CLCN1: variants seen among roughly 807,000 people sequenced by gnomAD.
CLCN1 encodes chloride voltage-gated channel 1, also known as chloride channel protein 1.
CLCN1 carries 100 observed loss-of-function variants against 114.5 expected under a neutral mutation model. The ratio of observed to expected loss-of-function variants is 0.87; its 90% CI spans 0.74 to 1.03. The LOEUF is 1.03. CLCN1 is among the 50% of genes least tolerant of loss of function. The pLI, the probability that CLCN1 is intolerant of heterozygous loss-of-function variation, is 0.00. For synonymous variants in CLCN1, 485 were observed against 487.1 expected, an observed-to-expected ratio of 1.00 and a Z score of 0.06; for missense variants, 1,188 against 1,250.0, an observed-to-expected ratio of 0.95 and a Z score of 0.75.
intron 16 of CLCN1, among the ~76,000 whole-genome samples, chr7:143,343,860 G>A (rs765509918): frequency 5.1e-5 from 7 of 136,234 alleles, no homozygotes; most frequent in African/African-American, 1.7e-4. Flanking sequence ...CTTTCTTTTC[G>A]ACAGAGCCTC....
Position 143,350,644 on chromosome 7 carries a change from C to A in CLCN1, c.2585C>A (p.Ala862Asp), listed in dbSNP as rs772689446. ...ATGGGGAAGCTCAGGGGCGTCCTGG[C>A]CCTGGAGGAGGTAATCACGATGTGT... ...TSMGKLRGVL[A>D]LEELQKAIEG... Residue 862 changes from alanine to aspartate, a missense_variant, in exon 22 of 23, where the codon GCC becomes GAC. Coordinates refer to ENST00000343257, the MANE Select transcript of CLCN1 (RefSeq NM_000083.3). The surrounding 1 kb of genome is among the most constrained non-coding windows in gnomAD (Gnocchi z 5.1). 6.2e-7 allele frequency: 1 copy of A among 1,613,808 alleles called. No individual in the cohort carries two copies.
At position 143,332,749 on chromosome 7, in the gene CLCN1, C is replaced by A. The variant is rs1563079994; in HGVS notation, c.1277C>A (p.Thr426Asn). Residue 426 changes from threonine to asparagine, a missense_variant, in exon 12 of 23, where the codon ACT becomes AAT. By Grantham distance (65) the Thr-to-Asn change is moderately conservative. Coordinates refer to ENST00000343257, the MANE Select transcript of CLCN1 (RefSeq NM_000083.3). ...TTGATGCCCCGCGAAGCCATCAGTACTTTGTTTGACAACAATACATGGGTG... is the reference window on the plus strand; with the variant it reads ...TTGATGCCCCGCGAAGCCATCAGTAATTTGTTTGACAACAATACATGGGTG... ...GELMPREAIS[T>N]LFDNNTWVKH... 6.2e-7 allele frequency: 1 copy of A among 1,614,234 alleles called. No individual in the cohort carries two copies. Among genetic ancestry groups the A allele is most frequent in the East Asian group, 2.2e-5 (1 of 44,880 alleles).
At chr7:143,323,795 G>A (rs1327656963) in intron 6 of CLCN1, 1 of 476,726 alleles carries the variant, frequency 2.1e-6, no homozygotes, top group Non-Finnish European at 4.3e-6. Context: ...CCACCCCCTT[G>A]TCCCGCGTGC....
In CLCN1 at chr7:143,349,069, A is replaced by T. The variant is rs115178664; in HGVS notation, c.2404-1303A>T. On this transcript the variant is annotated intron_variant, in intron 20 of 22. Coordinates refer to ENST00000343257, the MANE Select transcript of CLCN1 (RefSeq NM_000083.3). ...GGCAAAGAGGATGTACTTGATAATC[A>T]TTCACTGAAAATGTTGCCGCGTTAT... 2.9e-3 allele frequency among the ~76,000 whole-genome samples: 447 copies of T among 152,366 alleles called. 2 individuals carry two copies. Among genetic ancestry groups the T allele is most frequent in the Middle Eastern group, 0.01 (3 of 294 alleles).
At chr7:143,323,591 A>C in intron 6 of CLCN1, 1 of 686,622 alleles carries the variant, frequency 1.5e-6, no homozygotes, top group Non-Finnish European at 2.7e-6. Flanking sequence ...TGTCCTCCAA[A>C]TGTCCACCCC....
chr7:143,335,549 A>G (rs533846576), intron 12 of CLCN1, among the ~76,000 whole-genome samples: 1 of 152,324 alleles, frequency 6.6e-6, no homozygotes, highest in South Asian at 2.1e-4. Context: ...TAGCTAAACT[A>G]AAATATAAAC....
intron 1 of CLCN1, among the ~76,000 whole-genome samples, chr7:143,319,528 G>A (rs1376564424): frequency 2.6e-5 from 4 of 152,196 alleles, no homozygotes; most frequent in Non-Finnish European, 5.9e-5. Flanking sequence ...GTTGGAGAAT[G>A]GGTGTAGAGA....
chr7:143,332,690 G>A lies in CLCN1; in HGVS notation c.1252-34G>A, dbSNP rs201333906. 1.9e-5 allele frequency: 30 copies of A among 1,613,216 alleles called. No individual in the cohort carries two copies. The East Asian group carries it at 2.9e-4, about 16-fold the overall frequency. Reference sequence around the variant, plus strand: ...AAAAAGGAAGCACAGGAGTTCCCTGGAGAACCCACCCTTTCTGCTTCTTCC... The same window carrying A: ...AAAAAGGAAGCACAGGAGTTCCCTGAAGAACCCACCCTTTCTGCTTCTTCC... On this transcript the variant is annotated intron_variant, in intron 11 of 22. Coordinates refer to ENST00000343257, the MANE Select transcript of CLCN1 (RefSeq NM_000083.3).
At chr7:143,319,957 C>G (rs577172514) in intron 2 of CLCN1, 82 bp downstream of exon 2, 2 of 1,410,692 alleles carry the variant, frequency 1.4e-6, no homozygotes, top group South Asian at 1.2e-5. Flanking sequence ...TCCCATTGCA[C>G]GTACGTACTC....
In CLCN1 at chr7:143,346,567, C is replaced by T; in HGVS notation, c.2285-12C>T. 1.2e-6 allele frequency: 2 copies of T among 1,606,834 alleles called. No homozygotes were observed. Among genetic ancestry groups the T allele is most frequent in the Non-Finnish European group, 1.7e-6 (2 of 1,173,598 alleles). On this transcript the variant is annotated splice_polypyrimidine_tract_variant and intron_variant, in intron 18 of 22. Coordinates refer to ENST00000343257, the MANE Select transcript of CLCN1 (RefSeq NM_000083.3). ...TTTGTGTCCATTTCCATCCACTCAC[C>T]TGTCCTCTCAGGTCAAAGACCCTCC...
At chr7:143,347,031 T>C in intron 20 of CLCN1, 82 bp downstream of exon 20, 1 of 1,215,328 alleles carries the variant, frequency 8.2e-7, no homozygotes, top group African/African-American at 1.5e-5. Context: ...TTCTTTATTG[T>C]GTTGTCATGA....
rs533689011 is a variant in CLCN1 at position 143,347,212 on chromosome 7, G to A, written c.2403+263G>A. 9.9e-5 allele frequency among the ~76,000 whole-genome samples: 15 copies of A among 152,274 alleles called. No homozygotes were observed. In the South Asian group the frequency reaches 3.1e-3, roughly 32 times the overall value. On this transcript the variant is annotated intron_variant, in intron 20 of 22. Transcript: ENST00000343257. ...GTAAATGGGGCCATGGTGCTAAGAT[G>A]AGCCCCAGATCTTTTAGAGATTATG...
In CLCN1 at chr7:143,322,972, G is replaced by A. The variant is rs561224638; in HGVS notation, c.697-337G>A. Among the ~76,000 whole-genome samples, 49 of 152,276 alleles carry A rather than the reference G, an allele frequency of 3.2e-4. No homozygotes were observed. In the South Asian group the frequency reaches 9.7e-3, roughly 30 times the overall value. On this transcript the variant is annotated intron_variant, in intron 5 of 22. Coordinates refer to ENST00000343257, the MANE Select transcript of CLCN1 (RefSeq NM_000083.3). ...GGGCCCCTCAGGGCGCCTGTGTGCT[G>A]TTTTCTCAGCCTGGAACATTCTTCC...
rs1803357770 is a variant in CLCN1 at position 143,350,334 on chromosome 7, C to T, written c.2404-38C>T. Reference sequence around the variant, plus strand: ...ATCAGGTATCTGGGGTGAAAGGAGGCTCTGTGATTTTCGTGACTTTCCTCC... The same window carrying T: ...ATCAGGTATCTGGGGTGAAAGGAGGTTCTGTGATTTTCGTGACTTTCCTCC... On this transcript the variant is annotated intron_variant, in intron 20 of 22. Transcript: ENST00000343257. This position sits in a 1 kb window ranked among gnomAD's most constrained non-coding sequence, Gnocchi z 5.1. 2.6e-6 allele frequency: 4 copies of T among 1,536,848 alleles called. No individual in the cohort carries two copies. The South Asian group carries it at 3.4e-5, about 13-fold the overall frequency.
intron 3 of CLCN1, 60 bp downstream of exon 3, chr7:143,320,855 A>G (rs1802410586): frequency 1.3e-6 from 2 of 1,599,494 alleles, no homozygotes; most frequent in Admixed American, 3.3e-5. Flanking sequence ...TAGGGTAAGC[A>G]GGGTGTGTTA....
chr7:143,317,172 G>A (rs1210996129), intron 1 of CLCN1, among the ~76,000 whole-genome samples: 1 of 151,926 alleles, frequency 6.6e-6, no homozygotes, highest in Non-Finnish European at 1.5e-5. Flanking sequence ...TAATAAGTAA[G>A]TGTGCCTCTC....
chr7:143,334,166 T>G (rs1237752626), intron 12 of CLCN1, among the ~76,000 whole-genome samples: 1 of 152,080 alleles, frequency 6.6e-6, no homozygotes, highest in African/African-American at 2.4e-5. Context: ...TGAGCCAAGA[T>G]TGTGCCATTG....
rs373340517 is a variant in CLCN1 at position 143,350,346 on chromosome 7, C to T, written c.2404-26C>T. On this transcript the variant is annotated intron_variant, in intron 20 of 22. Coordinates refer to ENST00000343257, the MANE Select transcript of CLCN1 (RefSeq NM_000083.3). This position sits in a 1 kb window ranked among gnomAD's most constrained non-coding sequence, Gnocchi z 5.1. ...GGGTGAAAGGAGGCTCTGTGATTTT[C>T]GTGACTTTCCTCCTCTGGCTGACAG... 6.7e-5 allele frequency: 106 copies of T among 1,593,978 alleles called. No homozygotes were observed. Among genetic ancestry groups the T allele is most frequent in the East Asian group, 6.7e-5 (3 of 44,702 alleles).
intron 12 of CLCN1, among the ~76,000 whole-genome samples, chr7:143,333,540 G>C (rs1418169261): frequency 6.6e-6 from 1 of 152,150 alleles, no homozygotes; most frequent in East Asian, 1.9e-4. Flanking sequence ...CCCCCACTTA[G>C]TAGATAATTA....
Sources: allele counts gnomAD v4.1 joint callset (sites outside exome capture counted in the v4.1 genomes callset), GRCh38; gene constraint gnomAD v4.1.1; non-coding constraint Gnocchi (gnomAD v3.1); transcripts MANE v1.5; gene names NCBI Gene and HGNC (gene_info 2026-07-23, HGNC 2026-07-21).